AUTS2: variants seen among roughly 807,000 people sequenced by gnomAD.
AUTS2 encodes the protein activator of transcription and developmental regulator AUTS2.
Under a neutral mutation model 112.4 loss-of-function variants are expected in AUTS2, and 17 were observed. The ratio of observed to expected loss-of-function variants is 0.15; its 90% CI spans 0.10 to 0.23. The LOEUF is 0.23. Ranked by LOEUF, AUTS2 falls within the 10% of genes least tolerant of loss-of-function variation. The pLI is 1.00. For synonymous variants in AUTS2, 751 were observed against 702.7 expected, an observed-to-expected ratio of 1.07 and a Z score of -1.09; for missense variants, 1,510 against 1,701.6, an observed-to-expected ratio of 0.89 and a Z score of 1.98.
intron 4 of AUTS2, among the ~76,000 whole-genome samples, chr7:70,192,131 A>G (rs1809933082): frequency 1.3e-5 from 2 of 152,234 alleles, no homozygotes; most frequent in Admixed American, 1.3e-4. Flanking sequence ...GGGACCAGTA[A>G]TACCTTCTTC....
Position 70,556,987 on chromosome 7 carries a change from G to A in AUTS2, c.690+121206G>A, listed in dbSNP as rs145723309. ...GCTGACTTCCTCCTGTGCGCTCCCA[G>A]AGAACTTTGTACCTACACCTAACAT... is the stretch of plus-strand genomic sequence containing the variant. On this transcript the variant is annotated intron_variant, in intron 5 of 18. Coordinates refer to ENST00000342771, the MANE Select transcript of AUTS2 (RefSeq NM_015570.4). Among the ~76,000 whole-genome samples the A allele has an allele frequency of 3.9e-4, 59 of 152,276 alleles. 1 individual carries two copies. In the East Asian group the frequency reaches 0.011, roughly 27 times the overall value.
At chr7:70,297,452 A>G (rs942607781) in intron 4 of AUTS2, among the ~76,000 whole-genome samples, 3 of 147,412 alleles carry the variant, frequency 2.0e-5, no homozygotes, top group Non-Finnish European at 4.5e-5. Flanking sequence ...TTTTATCGAG[A>G]CAGAGTCTCG....
At chr7:70,011,081 T>C (rs1185190216) in intron 2 of AUTS2, among the ~76,000 whole-genome samples, 1 of 152,162 alleles carries the variant, frequency 6.6e-6, no homozygotes, top group Non-Finnish European at 1.5e-5. Context: ...GCTACTTATG[T>C]GTTGATCTGA....
intron 1 of AUTS2, among the ~76,000 whole-genome samples, chr7:69,693,374 C>T (rs1052578714): frequency 6.6e-6 from 1 of 152,202 alleles, no homozygotes; most frequent in Non-Finnish European, 1.5e-5. Flanking sequence ...TTAACTCATG[C>T]CATGACAAGT....
chr7:70,655,341 TAA>T (rs1806714056), intron 5 of AUTS2, among the ~76,000 whole-genome samples: 1 of 152,204 alleles, frequency 6.6e-6, no homozygotes, highest in South Asian at 2.1e-4. Context: ...GCTTACAAAG[TAA>T]AGACATTTCT....
At chr7:70,411,576 A>G (rs1794777759) in intron 4 of AUTS2, among the ~76,000 whole-genome samples, 1 of 152,222 alleles carries the variant, frequency 6.6e-6, no homozygotes, top group South Asian at 2.1e-4. Context: ...TTTAAAAAAA[A>G]AAGTGTCATT....
At chr7:70,426,669 T>C (rs1029607461) in intron 4 of AUTS2, among the ~76,000 whole-genome samples, 2 of 152,172 alleles carry the variant, frequency 1.3e-5, no homozygotes, top group African/African-American at 4.8e-5. Context: ...TATCCTTTTA[T>C]CTTAAAGTAA....
At chr7:70,599,563 C>A (rs997311149) in intron 5 of AUTS2, among the ~76,000 whole-genome samples, 7 of 152,158 alleles carry the variant, frequency 4.6e-5, no homozygotes, top group Admixed American at 2.0e-4. Context: ...GCGACAGGTT[C>A]CCCAGATTTC....
At chr7:70,198,295 C>T (rs1810300088) in intron 4 of AUTS2, among the ~76,000 whole-genome samples, 1 of 149,830 alleles carries the variant, frequency 6.7e-6, no homozygotes, top group Admixed American at 6.6e-5. Context: ...TCTCCTCCTC[C>T]AAAGGAACGC....
intron 1 of AUTS2, among the ~76,000 whole-genome samples, chr7:69,887,727 A>C (rs6978134): frequency 0.36 from 54,272 of 152,070 alleles, 10,175 homozygotes; most frequent in African/African-American, 0.47. Context: ...AATCAGAGTT[A>C]TTCTGTGGAA....
At chr7:69,797,355 G>C (rs1789890323) in intron 1 of AUTS2, among the ~76,000 whole-genome samples, 1 of 152,162 alleles carries the variant, frequency 6.6e-6, no homozygotes, top group Non-Finnish European at 1.5e-5. Flanking sequence ...CTCAGTCCAG[G>C]ATTATGTGCA....
At chr7:70,493,625 T>C (rs73175990) in intron 5 of AUTS2, among the ~76,000 whole-genome samples, 6,936 of 152,066 alleles carry the variant, frequency 0.046, 197 homozygotes, top group Non-Finnish European at 0.064. Context: ...ATAAATATAA[T>C]TGAGGAGTGG....
At chr7:70,262,991 TA>T (rs1322765095) in intron 4 of AUTS2, among the ~76,000 whole-genome samples, 10 of 152,178 alleles carry the variant, frequency 6.6e-5, no homozygotes, top group Non-Finnish European at 1.3e-4. Flanking sequence ...CAAATATACA[TA>T]AACTTCAGTA....
chr7:69,865,447 AG>A (rs1185746011), intron 1 of AUTS2, among the ~76,000 whole-genome samples: 1 of 152,168 alleles, frequency 6.6e-6, no homozygotes, highest in Non-Finnish European at 1.5e-5. Flanking sequence ...TCTCAGTATC[AG>A]GTGGCATCCA....
intron 5 of AUTS2, among the ~76,000 whole-genome samples, chr7:70,681,735 A>G (rs1808221923): frequency 6.6e-6 from 1 of 152,118 alleles, no homozygotes. Flanking sequence ...ACCTGCTGGT[A>G]TTTAAATTTT....
chr7:69,758,149 A>G (rs1443776661), intron 1 of AUTS2, among the ~76,000 whole-genome samples: 2 of 152,230 alleles, frequency 1.3e-5, no homozygotes, highest in Non-Finnish European at 2.9e-5. Context: ...CTGATCCTAG[A>G]GTGTGGCTTC....
At chr7:69,855,850 T>C (rs981749093) in intron 1 of AUTS2, among the ~76,000 whole-genome samples, 1 of 152,204 alleles carries the variant, frequency 6.6e-6, no homozygotes, top group Non-Finnish European at 1.5e-5. Flanking sequence ...CCTCTGCCTC[T>C]TCAGTCTTAG....
intron 5 of AUTS2, among the ~76,000 whole-genome samples, chr7:70,457,275 C>T (rs577090029): frequency 1.8e-4 from 27 of 152,266 alleles, no homozygotes; most frequent in African/African-American, 5.5e-4. Flanking sequence ...TTACCCACCC[C>T]GTGGAATGGT....
At chr7:70,657,639 A>T (rs1490683039) in intron 5 of AUTS2, among the ~76,000 whole-genome samples, 1 of 152,104 alleles carries the variant, frequency 6.6e-6, no homozygotes, top group Non-Finnish European at 1.5e-5. Context: ...TGAGCATCTA[A>T]TTTGCTGCTA....
Sources: allele counts gnomAD v4.1 joint callset (sites outside exome capture counted in the v4.1 genomes callset), GRCh38; gene constraint gnomAD v4.1.1; transcripts MANE v1.5; gene names NCBI Gene and HGNC (gene_info 2026-07-23, HGNC 2026-07-21).